EHD1: variants seen among roughly 807,000 people sequenced by gnomAD.
The protein encoded by EHD1 is EH domain-containing protein 1.
In EHD1, 19 loss-of-function variants were observed where a neutral mutation model predicts 39.0. The ratio of observed to expected loss-of-function variants is 0.49; its 90% confidence interval spans 0.34 to 0.72. The LOEUF (loss-of-function observed/expected upper bound fraction) is 0.72. EHD1 is among the 30% of genes least tolerant of loss of function. The probability of loss-of-function intolerance (pLI) is 0.01; values close to 1 mark genes in which losing one functional copy is unlikely to be tolerated. For missense variants in EHD1, 542 were observed against 751.5 expected, an observed-to-expected ratio of 0.72 and a Z score of 3.26; for synonymous variants, 323 against 331.2, an observed-to-expected ratio of 0.98 and a Z score of 0.27.
chr11:64,867,918 C>T (rs989505896), intron 2 of EHD1, among the ~76,000 whole-genome samples: 2 of 152,222 alleles, frequency 1.3e-5, no homozygotes, highest in African/African-American at 4.8e-5. Context: ...CATGGCGACC[C>T]GCGTCCCACC....
intron 4 of EHD1, 106 bp from the exon 5 acceptor site, chr11:64,854,963 C>A (rs993607409): frequency 3.5e-6 from 5 of 1,433,336 alleles, no homozygotes; most frequent in South Asian, 1.3e-5. Flanking sequence ...GCTGCTCCCC[C>A]ACACTAGCAG....
rs748991388 is a variant in EHD1 at position 64,854,519 on chromosome 11, C to T, written c.1419G>A (p.Lys473=). 1.2e-6 allele frequency: 2 copies of T among 1,614,196 alleles called. No homozygotes were observed. Among genetic ancestry groups the T allele is most frequent in the South Asian group, 2.2e-5 (2 of 91,088 alleles). The change falls in exon 5 of 5, where the codon AAG becomes AAA. Residue 473 remains lysine, a synonymous_variant. Transcript: ENST00000320631. ...TGANAKKEMV[K]SKLPNTVLGK... ...CTAGCACGGTGTTGGGGAGCTTGGACTTCACCATCTCCTTCTTGGCGTTGG... is the reference window on the plus strand; with the variant it reads ...CTAGCACGGTGTTGGGGAGCTTGGATTTCACCATCTCCTTCTTGGCGTTGG...
chr11:64,868,889 G>A lies in EHD1; in HGVS notation c.502+5532C>T, dbSNP rs550508681. On this transcript the variant is annotated intron_variant, in intron 2 of 4. Transcript: ENST00000320631. This position sits in a 1 kb window ranked among gnomAD's most constrained non-coding sequence, Gnocchi z 4.2. ...CATCCTGAACCTTCTACTCAACAACGAGCTGTGTGACCCAGCAGGTCTCTG... is the reference window on the plus strand; with the variant it reads ...CATCCTGAACCTTCTACTCAACAACAAGCTGTGTGACCCAGCAGGTCTCTG... Among the ~76,000 whole-genome samples the A allele has an allele frequency of 6.6e-5, 10 of 152,272 alleles. No homozygotes were observed. Among genetic ancestry groups the A allele is most frequent in the African/African-American group, 2.4e-4 (10 of 41,562 alleles).
At chr11:64,859,722 C>T (rs923515974) in intron 3 of EHD1, 5 of 705,044 alleles carry the variant, frequency 7.1e-6, no homozygotes, top group Middle Eastern at 4.0e-4. Context: ...AGAGGGAGGC[C>T]GGGTAGAGAA....
At chr11:64,866,092 G>C (rs1943764106) in intron 2 of EHD1, among the ~76,000 whole-genome samples, 1 of 152,110 alleles carries the variant, frequency 6.6e-6, no homozygotes, top group African/African-American at 2.4e-5. Context: ...CGATAGCAAA[G>C]ATGGAATCCA....
chr11:64,855,412 C>T lies in EHD1; in HGVS notation c.990G>A (p.Glu330=), dbSNP rs200595754. The part of the protein sequence containing the change: ...NVFGKESKKK[E]LVNNLGEIYQ... ...AGATCTCTCCGAGGTTGTTCACCAG[C>T]TCTTTCTTTTTGCTCTCTTTACCAA... Residue 330 remains glutamate, a synonymous_variant, in exon 4 of 5, where the codon GAG becomes GAA. Transcript: ENST00000320631. 4.8e-4 allele frequency: 772 copies of T among 1,614,080 alleles called. 7 individuals carry two copies. The South Asian group carries it at 8.1e-3, about 17-fold the overall frequency.
chr11:64,872,888 C>A (rs1299745516), intron 2 of EHD1, among the ~76,000 whole-genome samples: 1 of 152,216 alleles, frequency 6.6e-6, no homozygotes, highest in Non-Finnish European at 1.5e-5. Context: ...CAAGGCTCAC[C>A]CAGCAAAGGC....
Position 64,855,466 on chromosome 11 carries a change from G to A in EHD1, c.936C>T (p.Ser312=). 2 of 1,613,982 alleles carry A rather than the reference G, an allele frequency of 1.2e-6. No individual in the cohort carries two copies. The highest frequency in any genetic ancestry group is 1.7e-6 in the Non-Finnish European group (2 of 1,180,014). ...RLAKVHAYII[S]SLKKEMPNVF... is the part of the protein sequence containing the mutation. ...CATTGGGCATCTCTTTCTTGAGGGA[G>A]CTGATGATGTAGGCGTGAACCTGTG... Residue 312 remains serine (S), a synonymous_variant, in exon 4 of 5, where the codon AGC becomes AGT. Coordinates refer to ENST00000320631, the MANE Select transcript of EHD1 (RefSeq NM_006795.4).
upstream of EHD1, chr11:64,879,183 A>T: frequency 9.6e-7 from 1 of 1,045,594 alleles, no homozygotes; most frequent in Non-Finnish European, 1.2e-6. Flanking sequence ...AGAGACAGGA[A>T]AGTGGTAGCA....
intron 2 of EHD1, among the ~76,000 whole-genome samples, chr11:64,863,150 A>G (rs1223220106): frequency 1.3e-5 from 2 of 152,186 alleles, no homozygotes; most frequent in Non-Finnish European, 2.9e-5. Context: ...CCCAGAGAGC[A>G]GTCAGGCTCC....
At chr11:64,858,958 C>G (rs1943683733) in intron 3 of EHD1, among the ~76,000 whole-genome samples, 1 of 152,214 alleles carries the variant, frequency 6.6e-6, no homozygotes, top group African/African-American at 2.4e-5. Flanking sequence ...ATGCACAGTG[C>G]TCCCCGGGCT....
chr11:64,855,820 T>C (rs1042837954), intron 3 of EHD1: 1 of 340,778 alleles, frequency 2.9e-6, no homozygotes. Context: ...AGAAGGCAAT[T>C]TGTCGTGTAC....
upstream of EHD1, chr11:64,878,631 C>A (rs1943917819): frequency 2.8e-6 from 4 of 1,408,606 alleles, no homozygotes; most frequent in Non-Finnish European, 2.8e-6. Context: ...TGCTGCGCAC[C>A]CCTCGCGGAG....
chr11:64,878,753 T>G (rs1009682877), upstream of EHD1: 7 of 1,232,576 alleles, frequency 5.7e-6, no homozygotes, highest in South Asian at 2.4e-5. Flanking sequence ...CTCCGACTGG[T>G]GCCACGTCTT....
intron 2 of EHD1, among the ~76,000 whole-genome samples, chr11:64,869,506 T>C (rs1943805343): frequency 6.6e-6 from 1 of 152,254 alleles, no homozygotes; most frequent in Non-Finnish European, 1.5e-5. Context: ...CTCTTGACTA[T>C]GAACCAGCTG....
chr11:64,865,719 A>G (rs1473921248), intron 2 of EHD1, among the ~76,000 whole-genome samples: 1 of 152,244 alleles, frequency 6.6e-6, no homozygotes, highest in African/African-American at 2.4e-5. Context: ...GACCTTTTCC[A>G]AAGATGACAC....
intron 3 of EHD1, among the ~76,000 whole-genome samples, chr11:64,856,974 C>CA (rs1943660437): frequency 6.6e-6 from 1 of 152,186 alleles, no homozygotes; most frequent in South Asian, 2.1e-4. Context: ...CTCTGCCCTG[C>CA]AAGGAGAGAA....
intron 4 of EHD1, 103 bp from the exon 5 acceptor site, chr11:64,854,960 C>T (rs1943633095): frequency 3.5e-6 from 5 of 1,440,166 alleles, no homozygotes; most frequent in Admixed American, 2.0e-5. Context: ...AGTGCTGCTC[C>T]CCCACACTAG....
At chr11:64,864,004 G>A (rs149101150) in intron 2 of EHD1, among the ~76,000 whole-genome samples, 2 of 152,332 alleles carry the variant, frequency 1.3e-5, no homozygotes, top group African/African-American at 2.4e-5. Context: ...ACCCATCACC[G>A]GTCAAGGACT....
Sources: allele counts gnomAD v4.1 joint callset (sites outside exome capture counted in the v4.1 genomes callset), GRCh38; gene constraint gnomAD v4.1.1; non-coding constraint Gnocchi (gnomAD v3.1); transcripts MANE v1.5; gene names NCBI Gene and HGNC (gene_info 2026-07-23, HGNC 2026-07-21).